Variants in CYBA observed in about 807,000 individuals in gnomAD.
The protein encoded by CYBA is cytochrome b-245 light chain.
CYBA carries 21 observed loss-of-function variants against 20.8 expected under a neutral mutation model. That is an observed-to-expected ratio of 1.01 (90% CI 0.72 to 1.46). CYBA has a LOEUF of 1.46. Ranked by LOEUF, CYBA falls within the 40% of genes most tolerant of loss-of-function variation. CYBA has a pLI of 0.00. For synonymous variants in CYBA, 164 were observed against 127.5 expected (o/e 1.29, Z -1.93); for missense variants, 344 against 287.0 (o/e 1.20, Z -1.43).
At chr16:88,645,380 C>G (rs559470610) in intron 5 of CYBA, 2 of 702,328 alleles carry the variant, frequency 2.8e-6, no homozygotes, top group Non-Finnish European at 2.6e-6. Context: ...CACTAGAAGA[C>G]GCACAGCAAG....
rs781702057 is a variant in CYBA at position 88,648,113 on chromosome 16, G to C, written c.60C>G (p.Ile20Met). 1.2e-6 allele frequency: 2 copies of C among 1,610,892 alleles called. No individual in the cohort carries two copies. Among genetic ancestry groups the C allele is most frequent in the East Asian group, 2.2e-5 (1 of 44,764 alleles). Residue 20 changes from isoleucine (I) to methionine (M), a missense_variant and splice_region_variant, in exon 2 of 6, where the codon ATC (isoleucine) becomes ATG (methionine). Coordinates refer to ENST00000261623, the MANE Select transcript of CYBA (RefSeq NM_000101.4). The stretch of plus-strand genomic sequence containing the variant: ...TGGCCACGATGCCCCCGGTGATGAG[G>C]ACTGCGGGGAGAAGTGGGTCAGGCA... Reference protein sequence around the residue: ...ANEQALASGLILITGGIVATA... With the variant: ...ANEQALASGLMLITGGIVATA...
rs1327160850 is a variant in CYBA, at chr16:88,643,392, G to C, written c.549C>G (p.Pro183=). Residue 183 remains proline (P), a synonymous_variant, in exon 6 of 6, where the codon CCC becomes CCG. Coordinates refer to ENST00000261623, the MANE Select transcript of CYBA (RefSeq NM_000101.4). This position sits in a 1 kb window ranked among gnomAD's most constrained non-coding sequence, Gnocchi z 4.3. ...CGGTCACCGGGATGGGGTTGACCTG[G>C]GGACCTCCCGGGGGTCCCCCCGCCG... The part of the protein sequence containing the change: ...AVAAGGPPGG[P]QVNPIPVTDE... 2.0e-6 allele frequency: 3 copies of C among 1,534,070 alleles called. No homozygotes were observed. In the Admixed American group the frequency reaches 6.0e-5, roughly 31 times the overall value.
chr16:88,649,741 C>CGGGAGGCCAGGGCGGGCAGTGCA (rs1463785103), intron 1 of CYBA, among the ~76,000 whole-genome samples: 1 of 152,164 alleles, frequency 6.6e-6, no homozygotes, highest in Non-Finnish European at 1.5e-5. Flanking sequence ...GCCGGAGAGC[C>CGGGAGGCCAGGGCGGGCAGTGCA]GGGAGGCCAG....
At chr16:88,650,740 T>A in intron 1 of CYBA, 2 of 618,994 alleles carry the variant, frequency 3.2e-6, no homozygotes, top group Admixed American at 2.7e-5. Flanking sequence ...CTCCGCAGGG[T>A]CTGCAAGGGA....
chr16:88,644,551 G>A (rs1024475478), intron 5 of CYBA, among the ~76,000 whole-genome samples: 5 of 152,348 alleles, frequency 3.3e-5, no homozygotes, highest in South Asian at 2.1e-4. Context: ...CAGGCCGGGC[G>A]CGGTGGCTCA....
intron 4 of CYBA, 99 bp from the exon 5 acceptor site, chr16:88,646,296 A>C (rs1907277507): frequency 3.7e-5 from 11 of 299,366 alleles, no homozygotes; most frequent in Non-Finnish European, 5.2e-5. Flanking sequence ...TCTCAGGACA[A>C]GGCAGACTGC....
Position 88,643,656 on chromosome 16 carries a change from G to T in CYBA, c.370-85C>A. On this transcript the variant is annotated intron_variant, in intron 5 of 5. Transcript: ENST00000261623. This position sits in a 1 kb window ranked among gnomAD's most constrained non-coding sequence, Gnocchi z 4.3. Reference sequence around the variant, plus strand: ...TCCCCGGAGGCCCACCCCGCTAGGGGCCCTGGGACAGGCTCAAGTCTGAAT... The same window carrying T: ...TCCCCGGAGGCCCACCCCGCTAGGGTCCCTGGGACAGGCTCAAGTCTGAAT... The T allele has an allele frequency of 7.8e-7, 1 of 1,285,214 alleles. No homozygotes were observed. The highest frequency in any genetic ancestry group is 1.1e-6 in the Non-Finnish European group (1 of 926,544). The allele number at this position is 1,285,214 out of a possible 1,614,324, so 79.6% of individuals were successfully genotyped here. A position where few individuals can be genotyped will look rare whatever the true frequency, so the allele number is the denominator to read the frequency against.
intron 5 of CYBA, chr16:88,645,251 C>T (rs1321878777): frequency 1.4e-6 from 1 of 702,410 alleles, no homozygotes; most frequent in South Asian, 1.5e-5. Flanking sequence ...CACTTGGCAA[C>T]AGGAAGGGGT....
At chr16:88,646,968 C>T in intron 3 of CYBA, 130 bp from the exon 4 acceptor site, 1 of 1,172,670 alleles carries the variant, frequency 8.5e-7, no homozygotes, top group Non-Finnish European at 1.2e-6. Flanking sequence ...CAGGCACCGG[C>T]CTTGGTTTAC....
chr16:88,645,176 G>A (rs1047339445), intron 5 of CYBA: 10 of 702,172 alleles, frequency 1.4e-5, no homozygotes, highest in East Asian at 2.7e-5. Context: ...CTAGCTGTGC[G>A]TGGCAGCAGG....
chr16:88,644,479 G>C (rs942474860), intron 5 of CYBA, among the ~76,000 whole-genome samples: 30 of 152,294 alleles, frequency 2.0e-4, no homozygotes, highest in African/African-American at 7.0e-4. Flanking sequence ...AGTGTTTAAA[G>C]GTTACAAAGG....
intron 2 of CYBA, 34 bp from the exon 3 acceptor site, chr16:88,647,209 A>G (rs767183424): frequency 1.9e-6 from 3 of 1,601,618 alleles, no homozygotes; most frequent in Non-Finnish European, 2.6e-6. Flanking sequence ...AGCCCAGCTC[A>G]GCCTGAGGGG....
Position 88,646,760 on chromosome 16 carries a change from A to T in CYBA, c.282T>A (p.His94Gln). Residue 94 changes from histidine to glutamine, a missense_variant, in exon 4 of 6, where the codon CAT becomes CAA. Physicochemically the swap from His to Gln is conservative, Grantham distance 24 (BLOSUM62 0). Transcript: ENST00000261623. ...TRNYYVRAVL[H>Q]LLLSVPAGFL... The stretch of plus-strand genomic sequence containing the variant: ...GGTGCGGGACGGGGACTCACAGGAG[A>T]TGCAGGACGGCCCGAACATAGTAAT... The T allele has an allele frequency of 6.2e-7, 1 of 1,613,602 alleles. No homozygotes were observed. Among genetic ancestry groups the T allele is most frequent in the Non-Finnish European group, 8.5e-7 (1 of 1,179,704 alleles).
chr16:88,645,695 T>C, intron 5 of CYBA: 1 of 560,750 alleles, frequency 1.8e-6, no homozygotes, highest in South Asian at 2.1e-5. Context: ...TAAGAAAATG[T>C]CTGCGTCCTG....
At chr16:88,645,598 C>A (rs1907248361) in intron 5 of CYBA, 2 of 609,292 alleles carry the variant, frequency 3.3e-6, no homozygotes, top group Admixed American at 2.8e-5. Context: ...CATCCCTGGC[C>A]TCTCAGAGAG....
chr16:88,643,487 G>GA lies in CYBA; in HGVS notation c.453_454insT (p.Pro152SerfsTer61). On this transcript the variant is annotated frameshift_variant, in exon 6 of 6. Coordinates refer to ENST00000261623, the MANE Select transcript of CYBA (RefSeq NM_000101.4). This position sits in a 1 kb window ranked among gnomAD's most constrained non-coding sequence, Gnocchi z 4.3. ...GGGGGCCGCGGCGGGGGGTTGCTGG[G>GA]CGGCTGCTTGATGGTGCCTCCGATC... The GA allele has an allele frequency of 6.5e-7, 1 of 1,533,042 alleles. No homozygotes were observed. Among genetic ancestry groups the GA allele is most frequent in the Non-Finnish European group, 8.7e-7 (1 of 1,145,184 alleles). 95.0% of individuals were successfully genotyped at this position (1,533,042 alleles called of 1,614,324 possible). A position where few individuals can be genotyped will look rare whatever the true frequency, so the allele number is the denominator to read the frequency against.
At chr16:88,646,249 G>C in intron 4 of CYBA, 52 bp from the exon 5 acceptor site, 1 of 1,004,778 alleles carries the variant, frequency 1.0e-6, no homozygotes, top group Non-Finnish European at 1.2e-6. Flanking sequence ...TCAGAAAGGG[G>C]AACGGAGCCC....
chr16:88,644,790 A>G, intron 5 of CYBA: 1 of 257,656 alleles, frequency 3.9e-6, no homozygotes, highest in Non-Finnish European at 7.7e-6. Flanking sequence ...ACGCCACTGC[A>G]CTCCAGCCTG....
At chr16:88,645,407 C>G in intron 5 of CYBA, 1 of 702,414 alleles carries the variant, frequency 1.4e-6, no homozygotes, top group Non-Finnish European at 2.6e-6. Flanking sequence ...GCAGTTGCCT[C>G]TGCGGGCAGG....
Sources: gnomAD v4.1 joint callset for allele counts (sites outside exome capture counted in the v4.1 genomes callset) on GRCh38, gnomAD v4.1.1 for gene constraint, Gnocchi (gnomAD v3.1) non-coding constraint, MANE v1.5 for transcripts, NCBI Gene and HGNC (gene_info 2026-07-23, HGNC 2026-07-21) for gene names.